FSHR: variants seen among roughly 807,000 people sequenced by gnomAD.
FSHR encodes the protein follicle stimulating hormone receptor, also known as follicle-stimulating hormone receptor.
In FSHR, 46 loss-of-function variants were observed where a neutral mutation model predicts 52.1. That is an observed-to-expected ratio of 0.88 (90% CI 0.70 to 1.13). FSHR has a LOEUF of 1.13. Ranked by LOEUF, FSHR falls within the 50% of genes most tolerant of loss-of-function variation. The pLI, the probability that FSHR is intolerant of heterozygous loss-of-function variation, is 0.00. For missense variants in FSHR, 964 were observed against 834.6 expected (o/e 1.16, Z -1.91); for synonymous variants, 399 against 309.6 (o/e 1.29, Z -3.03).
intron 1 of FSHR, among the ~76,000 whole-genome samples, chr2:49,104,663 G>A (rs1436960462): frequency 6.6e-6 from 1 of 152,156 alleles, no homozygotes; most frequent in Non-Finnish European, 1.5e-5. Flanking sequence ...GAGATTGGAA[G>A]ATGACAAGAA....
At chr2:49,082,554 C>T (rs893094678) in intron 1 of FSHR, among the ~76,000 whole-genome samples, 7 of 151,886 alleles carry the variant, frequency 4.6e-5, no homozygotes, top group East Asian at 1.9e-4. Flanking sequence ...CTCCGAGATA[C>T]GGGAGGACGT....
intron 4 of FSHR, among the ~76,000 whole-genome samples, chr2:49,016,522 T>C (rs1023923835): frequency 6.6e-6 from 1 of 152,094 alleles, no homozygotes; most frequent in Non-Finnish European, 1.5e-5. Flanking sequence ...GAGTGCCTCT[T>C]AGAGGAGGGC....
chr2:49,106,019 A>G (rs1012386470), intron 1 of FSHR, among the ~76,000 whole-genome samples: 8 of 152,176 alleles, frequency 5.3e-5, no homozygotes, highest in Admixed American at 3.9e-4. Context: ...AAATGGGCAT[A>G]TGACTATCTG....
At chr2:48,965,456 A>G (rs1157498075) in intron 9 of FSHR, among the ~76,000 whole-genome samples, 1 of 152,172 alleles carries the variant, frequency 6.6e-6, no homozygotes, top group African/African-American at 2.4e-5. Context: ...GTTCTGGTTT[A>G]GTCAATGGTC....
chr2:49,139,883 C>A (rs992912045), intron 1 of FSHR, among the ~76,000 whole-genome samples: 2 of 152,098 alleles, frequency 1.3e-5, no homozygotes, highest in African/African-American at 4.8e-5. Context: ...CAGGCGTGAG[C>A]CACCGCACCC....
chr2:49,092,204 A>G (rs1037997364), intron 1 of FSHR, among the ~76,000 whole-genome samples: 1 of 152,212 alleles, frequency 6.6e-6, no homozygotes, highest in African/African-American at 2.4e-5. Flanking sequence ...AAGAATTTTT[A>G]CATGTTGACT....
At chr2:49,021,347 A>C (rs1402528795) in intron 2 of FSHR, among the ~76,000 whole-genome samples, 3 of 152,168 alleles carry the variant, frequency 2.0e-5, no homozygotes, top group Non-Finnish European at 4.4e-5. Flanking sequence ...ATATTTATAA[A>C]GTGTCTCACA....
intron 2 of FSHR, among the ~76,000 whole-genome samples, chr2:49,033,418 A>T (rs1668170804): frequency 6.6e-6 from 1 of 152,210 alleles, no homozygotes; most frequent in Non-Finnish European, 1.5e-5. Flanking sequence ...TCTTTCTTCT[A>T]GCACCTAAAT....
intron 4 of FSHR, among the ~76,000 whole-genome samples, chr2:49,016,994 C>A (rs951408996): frequency 6.6e-6 from 1 of 152,108 alleles, no homozygotes; most frequent in Non-Finnish European, 1.5e-5. Flanking sequence ...CTGATAGGGG[C>A]AGGCCCAAAG....
chr2:49,090,124 AGT>A (rs35574043), intron 1 of FSHR, among the ~76,000 whole-genome samples: 10,457 of 148,662 alleles, frequency 0.07, 934 homozygotes, highest in African/African-American at 0.21. Context: ...AGTAAAATCG[AGT>A]GTGTGTGTGT....
intron 1 of FSHR, among the ~76,000 whole-genome samples, chr2:49,151,141 CTT>C (rs200436300): frequency 3.1e-4 from 36 of 114,976 alleles, no homozygotes; most frequent in East Asian, 2.4e-3. Context: ...AAGGATTACT[CTT>C]TTTTTTTTTT....
chr2:49,027,935 G>A (rs576341285), intron 2 of FSHR, among the ~76,000 whole-genome samples: 5 of 151,862 alleles, frequency 3.3e-5, no homozygotes, highest in African/African-American at 1.2e-4. Context: ...AGCTAGAAAA[G>A]GTAGTCAATT....
At chr2:49,010,547 T>C (rs1212874200) in intron 4 of FSHR, among the ~76,000 whole-genome samples, 1 of 151,882 alleles carries the variant, frequency 6.6e-6, no homozygotes, top group African/African-American at 2.4e-5. Context: ...CCTCATAAAA[T>C]GAGTTAGGGA....
rs920372282 is a variant in FSHR, at chr2:49,135,674, G to A, written c.152+18592C>T. 3.7e-4 allele frequency among the ~76,000 whole-genome samples: 56 copies of A among 152,106 alleles called. No individual in the cohort carries two copies. The Middle Eastern group carries it at 0.014, about 37-fold the overall frequency. On this transcript the variant is annotated intron_variant, in intron 1 of 9. Transcript: ENST00000406846. Reference sequence around the variant, plus strand: ...ACCCCCATGCAATAAAAAAATTCACGCATAACTTCGAATCCTCTAAAACTT... The same window carrying A: ...ACCCCCATGCAATAAAAAAATTCACACATAACTTCGAATCCTCTAAAACTT...
intron 1 of FSHR, among the ~76,000 whole-genome samples, chr2:49,148,194 A>G (rs992221207): frequency 6.6e-6 from 1 of 152,010 alleles, no homozygotes; most frequent in Non-Finnish European, 1.5e-5. Context: ...AAGTCAAGAG[A>G]ATTGAATGAT....
Position 48,963,445 on chromosome 2 carries a change from G to C in FSHR, c.1376C>G (p.Thr459Ser). The change falls in exon 10 of 10, where the codon ACT becomes AGT. Residue 459 changes from threonine (T) to serine (S), a missense_variant. Physicochemically the swap from Thr to Ser is moderately conservative, Grantham distance 58. Coordinates refer to ENST00000406846, the MANE Select transcript of FSHR (RefSeq NM_000145.4). ...TCTTTCCAAGGTGATAGCTGTCAGAGTGTAGACTGACAGCTCACTGGCAAA... is the reference window on the plus strand; with the variant it reads ...TCTTTCCAAGGTGATAGCTGTCAGACTGTAGACTGACAGCTCACTGGCAAA... ...TVFASELSVY[T>S]LTAITLERWH... 1 of 1,614,178 alleles carries C rather than the reference G, an allele frequency of 6.2e-7. No individual in the cohort carries two copies. Among genetic ancestry groups the C allele is most frequent in the Non-Finnish European group, 8.5e-7 (1 of 1,180,010 alleles).
At position 48,963,490 on chromosome 2, in the gene FSHR, G is replaced by A. The variant is rs1344660532; in HGVS notation, c.1331C>T (p.Ala444Val). The A allele has an allele frequency of 1.9e-6, 3 of 1,614,058 alleles. No individual in the cohort carries two copies. Among genetic ancestry groups the A allele is most frequent in the African/African-American group, 1.3e-5 (1 of 74,936 alleles). The change falls in exon 10 of 10, where the codon GCT becomes GTT. Residue 444 changes from alanine (A) to valine (V), a missense_variant. Transcript: ENST00000406846. ...IDWQTGAGCD[A>V]AGFFTVFASE... ...GGCAAAGACAGTGAAAAAGCCAGCA[G>A]CATCACAGCCTGCCCCAGTTTGCCA...
chr2:49,048,918 C>T (rs952095125), intron 2 of FSHR, among the ~76,000 whole-genome samples: 1 of 152,102 alleles, frequency 6.6e-6, no homozygotes, highest in African/African-American at 2.4e-5. Flanking sequence ...GAATCTTTTA[C>T]TGTTTAAAGC....
At chr2:49,011,160 G>A (rs1429360686) in intron 4 of FSHR, among the ~76,000 whole-genome samples, 1 of 150,522 alleles carries the variant, frequency 6.6e-6, no homozygotes, top group Non-Finnish European at 1.5e-5. Flanking sequence ...TCTCTTGTGG[G>A]CATTTAGTGC....
Sources: gnomAD v4.1 joint callset for allele counts (sites outside exome capture counted in the v4.1 genomes callset) on GRCh38, gnomAD v4.1.1 for gene constraint, MANE v1.5 for transcripts, NCBI Gene and HGNC (gene_info 2026-07-23, HGNC 2026-07-21) for gene names.